KCNIP4: variants seen among roughly 807,000 people sequenced by gnomAD.
The protein encoded by KCNIP4 is potassium voltage-gated channel interacting protein 4.
KCNIP4 carries 12 observed loss-of-function variants against 34.0 expected under a neutral mutation model. The ratio of observed to expected loss-of-function variants is 0.35; its 90% CI spans 0.23 to 0.57. The LOEUF (loss-of-function observed/expected upper bound fraction) is 0.57. KCNIP4 is among the 20% of genes least tolerant of loss of function. The pLI, the probability that KCNIP4 is intolerant of heterozygous loss-of-function variation, is 0.83. For missense variants in KCNIP4, 238 were observed against 311.7 expected (o/e 0.76, Z 1.78); for synonymous variants, 124 against 102.2 (o/e 1.21, Z -1.29).
At chr4:21,637,779 G>A (rs1234884399) in intron 1 of KCNIP4, among the ~76,000 whole-genome samples, 2 of 77,058 alleles carry the variant, frequency 2.6e-5, no homozygotes, top group Admixed American at 1.7e-4. Context: ...ACAAAAGTCC[G>A]TCTCAAAAAA....
chr4:21,560,448 C>T (rs1400600661), intron 1 of KCNIP4, among the ~76,000 whole-genome samples: 1 of 152,094 alleles, frequency 6.6e-6, no homozygotes, highest in Non-Finnish European at 1.5e-5. Flanking sequence ...TTCACAAATA[C>T]AGCTCATTTT....
intron 1 of KCNIP4, among the ~76,000 whole-genome samples, chr4:20,929,958 C>T (rs1182029520): frequency 6.6e-6 from 1 of 151,784 alleles, no homozygotes; most frequent in Admixed American, 6.6e-5. Context: ...AAGCAATATA[C>T]AAATTCAATG....
At chr4:21,568,274 G>A (rs1300147674) in intron 1 of KCNIP4, among the ~76,000 whole-genome samples, 1 of 152,098 alleles carries the variant, frequency 6.6e-6, no homozygotes, top group Admixed American at 6.5e-5. Flanking sequence ...TAGTTATGAT[G>A]AGGTCATAGT....
At chr4:21,641,391 T>C (rs145841606) in intron 1 of KCNIP4, among the ~76,000 whole-genome samples, 2,935 of 152,268 alleles carry the variant, frequency 0.019, 105 homozygotes, top group African/African-American at 0.065. Context: ...ACCTGAAGGA[T>C]AATGGTGAAG....
At chr4:21,636,290 TAA>T in intron 1 of KCNIP4, among the ~76,000 whole-genome samples, 1 of 126,792 alleles carries the variant, frequency 7.9e-6, no homozygotes, top group African/African-American at 3.0e-5. Context: ...TAAAGTATAA[TAA>T]AAAAAAAGGA....
At chr4:21,341,589 AT>A (rs1716772522) in intron 1 of KCNIP4, among the ~76,000 whole-genome samples, 1 of 152,166 alleles carries the variant, frequency 6.6e-6, no homozygotes, top group South Asian at 2.1e-4. Flanking sequence ...TAAATTGCAA[AT>A]TATTGGCACC....
chr4:21,030,048 A>G (rs778254467), intron 1 of KCNIP4, among the ~76,000 whole-genome samples: 2 of 151,518 alleles, frequency 1.3e-5, no homozygotes, highest in Non-Finnish European at 2.9e-5. Flanking sequence ...GGGGTCCCCA[A>G]CCCTTCGGTC....
At chr4:21,853,118 C>A (rs945826321) in intron 1 of KCNIP4, 1 of 152,144 alleles carries the variant, frequency 6.6e-6, no homozygotes, top group Non-Finnish European at 1.5e-5. Context: ...CCAGTTCAGT[C>A]CAAGTCACTT....
At position 20,884,706 on chromosome 4, in the gene KCNIP4, C is replaced by CTT. The variant is rs975286527; in HGVS notation, c.62-1999_62-1998dup. 1.3e-3 allele frequency among the ~76,000 whole-genome samples: 160 copies of CTT among 125,694 alleles called. 1 individual carries two copies. The highest frequency in any genetic ancestry group is 3.5e-3 in the Admixed American group (41 of 11,824). The allele number at this position is 125,694 out of a possible 152,430, so 82.5% of individuals were successfully genotyped here. ...CTCAACTTCTGTATCCCAGTGCAGC[C>CTT]TTTTTTTTTTTTTTTTTTCAAGACA... On this transcript the variant is annotated intron_variant, in intron 1 of 8. Coordinates refer to ENST00000382152, the MANE Select transcript of KCNIP4 (RefSeq NM_025221.6).
At chr4:20,922,461 G>C (rs1309747620) in intron 1 of KCNIP4, among the ~76,000 whole-genome samples, 1 of 152,102 alleles carries the variant, frequency 6.6e-6, no homozygotes, top group East Asian at 1.9e-4. Flanking sequence ...GGCTATCCTG[G>C]TTTGCCAGCT....
intron 3 of KCNIP4, chr4:20,767,185 C>T (rs1158050164): frequency 6.6e-6 from 1 of 152,146 alleles, no homozygotes; most frequent in Admixed American, 6.5e-5. Context: ...TCTAGAATAA[C>T]ACAGGTCTGA....
At chr4:21,288,072 G>C (rs1057181529) in intron 1 of KCNIP4, among the ~76,000 whole-genome samples, 1 of 152,122 alleles carries the variant, frequency 6.6e-6, no homozygotes, top group Non-Finnish European at 1.5e-5. Context: ...GAGAAGACAG[G>C]TATTTAAACA....
chr4:20,764,671 A>G (rs1445187756), intron 3 of KCNIP4, among the ~76,000 whole-genome samples: 1 of 117,880 alleles, frequency 8.5e-6, no homozygotes, highest in Non-Finnish European at 1.7e-5. Flanking sequence ...CTAGAATCAC[A>G]TGGGAATTGG....
At chr4:21,910,015 T>C (rs188420878) in intron 1 of KCNIP4, among the ~76,000 whole-genome samples, 101 of 152,124 alleles carry the variant, frequency 6.6e-4, no homozygotes, top group Middle Eastern at 3.4e-3. Flanking sequence ...AGCCAAACCA[T>C]ATCACATACT....
chr4:21,804,366 C>T (rs1445182399), intron 1 of KCNIP4, among the ~76,000 whole-genome samples: 1 of 152,100 alleles, frequency 6.6e-6, no homozygotes, highest in Non-Finnish European at 1.5e-5. Flanking sequence ...CATACAGTGA[C>T]CTTGTGTGAT....
chr4:21,907,124 T>C (rs1728048823), intron 1 of KCNIP4, among the ~76,000 whole-genome samples: 1 of 152,118 alleles, frequency 6.6e-6, no homozygotes, highest in African/African-American at 2.4e-5. Flanking sequence ...ATGGGGTTCT[T>C]GGAGTGGCAA....
At chr4:20,782,726 C>CT (rs1349710914) in intron 3 of KCNIP4, among the ~76,000 whole-genome samples, 1 of 152,144 alleles carries the variant, frequency 6.6e-6, no homozygotes, top group African/African-American at 2.4e-5. Flanking sequence ...GGAGAGGCTG[C>CT]TGCAAAGGTC....
intron 1 of KCNIP4, among the ~76,000 whole-genome samples, chr4:20,906,398 C>T (rs914694111): frequency 6.6e-5 from 10 of 152,100 alleles, no homozygotes; most frequent in African/African-American, 2.2e-4. Context: ...TATGTCTCAC[C>T]CTTCCATGAG....
At chr4:20,858,399 G>T (rs1721843921) in intron 2 of KCNIP4, among the ~76,000 whole-genome samples, 1 of 151,980 alleles carries the variant, frequency 6.6e-6, no homozygotes, top group Non-Finnish European at 1.5e-5. Context: ...CTGTGGCATT[G>T]TGTTATGGCA....
Sources: gnomAD v4.1 joint callset for allele counts (sites outside exome capture counted in the v4.1 genomes callset) on GRCh38, gnomAD v4.1.1 for gene constraint, MANE v1.5 for transcripts, NCBI Gene and HGNC (gene_info 2026-07-23, HGNC 2026-07-21) for gene names.